PDE4D: variants seen among roughly 807,000 people sequenced by gnomAD.
The protein encoded by PDE4D is 3',5'-cyclic-AMP phosphodiesterase 4D.
Under a neutral mutation model 87.4 loss-of-function variants are expected in PDE4D, and 24 were observed. That is an observed-to-expected ratio of 0.27 (90% CI 0.20 to 0.39). The LOEUF is 0.39. Ranked by LOEUF, PDE4D falls within the 10% of genes least tolerant of loss-of-function variation. The pLI is 1.00. For missense variants in PDE4D, 714 were observed against 1,041.0 expected (o/e 0.69, Z 4.32); for synonymous variants, 384 against 383.2 (o/e 1.00, Z -0.02).
chr5:59,688,095 C>T (rs557577203), intron 1 of PDE4D, among the ~76,000 whole-genome samples: 1 of 152,244 alleles, frequency 6.6e-6, no homozygotes, highest in South Asian at 2.1e-4. Context: ...TACAAAGAGA[C>T]TTAGACTCCC....
At chr5:60,120,685 C>T (rs78041095) in intron 2 of PDE4D, among the ~76,000 whole-genome samples, 4,380 of 152,184 alleles carry the variant, frequency 0.029, 206 homozygotes, top group African/African-American at 0.1. Flanking sequence ...TATTATATAC[C>T]TATATTACTG....
intron 1 of PDE4D, among the ~76,000 whole-genome samples, chr5:59,534,341 C>T (rs1814760221): frequency 1.3e-5 from 2 of 152,116 alleles, no homozygotes; most frequent in African/African-American, 2.4e-5. Flanking sequence ...AAGCACAAAA[C>T]AAACATATTG....
chr5:59,052,256 T>A (rs939937393), intron 5 of PDE4D, among the ~76,000 whole-genome samples: 1 of 152,100 alleles, frequency 6.6e-6, no homozygotes, highest in African/African-American at 2.4e-5. Flanking sequence ...TGGATGTAGG[T>A]CTTCAAGGAA....
At chr5:59,421,126 A>C (rs1465482911) in intron 1 of PDE4D, among the ~76,000 whole-genome samples, 1 of 152,198 alleles carries the variant, frequency 6.6e-6, no homozygotes, top group Non-Finnish European at 1.5e-5. Context: ...GAATTCTCAT[A>C]CAATCACAAG....
intron 1 of PDE4D, among the ~76,000 whole-genome samples, chr5:59,515,665 A>G (rs555869651): frequency 6.6e-5 from 10 of 152,366 alleles, no homozygotes; most frequent in African/African-American, 2.2e-4. Flanking sequence ...TTTGGAAAAT[A>G]TAACTGAAAA....
chr5:60,295,338 T>G (rs1369944913), intron 1 of PDE4D, among the ~76,000 whole-genome samples: 1 of 152,198 alleles, frequency 6.6e-6, no homozygotes, highest in Non-Finnish European at 1.5e-5. Flanking sequence ...TTGTATGAGT[T>G]TTAATTATTC....
At chr5:59,224,124 A>C (rs1753179320) in intron 1 of PDE4D, among the ~76,000 whole-genome samples, 1 of 142,640 alleles carries the variant, frequency 7.0e-6, no homozygotes, top group African/African-American at 2.6e-5. Context: ...TGTTTCTACA[A>C]AAAAAAAAAA....
intron 2 of PDE4D, among the ~76,000 whole-genome samples, chr5:60,087,637 C>G (rs1245037447): frequency 1.3e-5 from 2 of 151,536 alleles, no homozygotes; most frequent in East Asian, 3.9e-4. Context: ...CAATAGCAGA[C>G]TTGATCAAAA....
At chr5:59,562,789 AT>A (rs1430444933) in intron 1 of PDE4D, among the ~76,000 whole-genome samples, 1 of 152,010 alleles carries the variant, frequency 6.6e-6, no homozygotes, top group East Asian at 1.9e-4. Flanking sequence ...CAAGAAAAGC[AT>A]CTTATTTTCT....
intron 1 of PDE4D, among the ~76,000 whole-genome samples, chr5:59,281,922 C>T (rs1372208303): frequency 6.6e-6 from 1 of 152,190 alleles, no homozygotes; most frequent in Non-Finnish European, 1.5e-5. Flanking sequence ...TAACAATTCA[C>T]ACCTTGAGAA....
chr5:59,675,938 C>T (rs147154876), intron 1 of PDE4D, among the ~76,000 whole-genome samples: 4,458 of 152,166 alleles, frequency 0.029, 188 homozygotes, highest in African/African-American at 0.092. Context: ...ATTATCCTTC[C>T]ACCTCAGCCG....
intron 1 of PDE4D, among the ~76,000 whole-genome samples, chr5:59,788,697 C>T (rs747389239): frequency 6.6e-6 from 1 of 152,152 alleles, no homozygotes; most frequent in Non-Finnish European, 1.5e-5. Flanking sequence ...ATTTAGAACT[C>T]CCAGAAATAA....
intron 1 of PDE4D, among the ~76,000 whole-genome samples, chr5:59,878,172 G>C (rs894637968): frequency 1.3e-5 from 2 of 152,152 alleles, no homozygotes; most frequent in Non-Finnish European, 2.9e-5. Context: ...CAGATGAGTT[G>C]AGAAAACCAA....
chr5:59,750,558 C>T (rs1323562552), intron 1 of PDE4D, among the ~76,000 whole-genome samples: 1 of 152,132 alleles, frequency 6.6e-6, no homozygotes, highest in Non-Finnish European at 1.5e-5. Context: ...AACTCCTTAC[C>T]CTGACTTATT....
At chr5:59,913,923 G>C (rs1412539381) in intron 3 of PDE4D, among the ~76,000 whole-genome samples, 1 of 151,990 alleles carries the variant, frequency 6.6e-6, no homozygotes, top group African/African-American at 2.4e-5. Context: ...GTGCACTGCT[G>C]TATCCAATAC....
intron 1 of PDE4D, among the ~76,000 whole-genome samples, chr5:59,364,847 TCCTTCCTTCCTTCCTACCTA>T (rs1254543062): frequency 4.6e-5 from 7 of 151,770 alleles, no homozygotes; most frequent in African/African-American, 1.7e-4. Flanking sequence ...CCACCTACCT[TCCTTCCTTCCTTCCTACCTA>T]CCTTCCTTCC....
chr5:59,883,923 TGC>T (rs1749804782), intron 1 of PDE4D, among the ~76,000 whole-genome samples: 1 of 152,144 alleles, frequency 6.6e-6, no homozygotes, highest in Admixed American at 6.5e-5. Context: ...CGCAATCCTT[TGC>T]TTTTTTTGGG....
At chr5:59,001,264 C>T (rs985753596) in intron 6 of PDE4D, among the ~76,000 whole-genome samples, 1 of 152,172 alleles carries the variant, frequency 6.6e-6, no homozygotes, top group African/African-American at 2.4e-5. Context: ...TCCTCTCCAT[C>T]TCAAAGCCTG....
intron 2 of PDE4D, among the ~76,000 whole-genome samples, chr5:60,088,138 A>G (rs536575972): frequency 2.0e-3 from 302 of 151,046 alleles, no homozygotes; most frequent in African/African-American, 7.1e-3. Context: ...GCCAGCTAAG[A>G]ATACTATACC....
Sources: allele counts gnomAD v4.1 joint callset (sites outside exome capture counted in the v4.1 genomes callset), GRCh38; gene constraint gnomAD v4.1.1; transcripts MANE v1.5; gene names NCBI Gene and HGNC (gene_info 2026-07-23, HGNC 2026-07-21).